The following RBM26 variants were observed in gnomAD, a reference collection of about 807,000 sequenced individuals.
RBM26 encodes the protein RNA-binding protein 26.
RBM26 carries 30 observed loss-of-function variants against 123.6 expected under a neutral mutation model. That is an observed-to-expected ratio of 0.24 (90% confidence interval 0.18 to 0.33). RBM26 has a LOEUF of 0.33. RBM26 is among the 10% of genes least tolerant of loss of function. RBM26 has a pLI of 1.00. For missense variants in RBM26, 947 were observed against 1,203.6 expected (o/e 0.79, Z 3.15); for synonymous variants, 400 against 404.4 (o/e 0.99, Z 0.13).
intron 1 of RBM26, among the ~76,000 whole-genome samples, chr13:79,394,431 G>A (rs1242766992): frequency 2.0e-5 from 3 of 152,100 alleles, no homozygotes; most frequent in African/African-American, 7.2e-5. Context: ...TGTCAAGAGG[G>A]CAAATAAACG....
chr13:79,367,403 T>G (rs2075375453), intron 6 of RBM26, among the ~76,000 whole-genome samples: 1 of 27,174 alleles, frequency 3.7e-5, no homozygotes, highest in African/African-American at 8.9e-5. Flanking sequence ...GGAGACTCCA[T>G]CTCAAAAAAA....
chr13:79,371,174 T>C lies in RBM26; in HGVS notation c.417-12A>G, dbSNP rs2075836969. ...TCTCATCACGGCTTCTAAAGAAATA[T>C]GTGATCACTTTAATACAAATAATTT... On this transcript the variant is annotated splice_polypyrimidine_tract_variant and intron_variant, in intron 4 of 21. Transcript: ENST00000438737. 1 of 1,598,054 alleles carries C rather than the reference T, an allele frequency of 6.3e-7. No homozygotes were observed. The highest frequency in any genetic ancestry group is 1.1e-5 in the South Asian group (1 of 90,414).
At chr13:79,366,946 T>C in intron 6 of RBM26, 74 bp from the exon 7 acceptor site, 1 of 1,228,798 alleles carries the variant, frequency 8.1e-7, no homozygotes, top group Non-Finnish European at 1.1e-6. Flanking sequence ...TTAGCAAAAG[T>C]AAAATATTTA....
intron 11 of RBM26, among the ~76,000 whole-genome samples, chr13:79,357,537 T>C (rs1357225975): frequency 6.6e-6 from 1 of 152,152 alleles, no homozygotes; most frequent in Admixed American, 6.5e-5. Context: ...TAGTGTTACT[T>C]ACCTTGAAGA....
intron 8 of RBM26, 145 bp from the exon 9 acceptor site, chr13:79,365,863 A>T (rs569324037): frequency 2.6e-4 from 246 of 959,806 alleles, no homozygotes; most frequent in South Asian, 7.0e-4. Context: ...AACTTTATTT[A>T]AAAAAGTTAT....
chr13:79,315,040 A>G, downstream of RBM26: 1 of 1,153,906 alleles, frequency 8.7e-7, no homozygotes, highest in East Asian at 5.8e-5. Flanking sequence ...AATAGCAAAT[A>G]AATCTAAAAC....
At chr13:79,336,056 TCTCC>T (rs1312630344) in intron 19 of RBM26, among the ~76,000 whole-genome samples, 17 of 152,234 alleles carry the variant, frequency 1.1e-4, no homozygotes, top group African/African-American at 3.9e-4. Context: ...TCTGTCAATA[TCTCC>T]TTATGTCCTG....
intron 19 of RBM26, among the ~76,000 whole-genome samples, chr13:79,334,755 C>G (rs1011926979): frequency 2.0e-5 from 3 of 152,056 alleles, no homozygotes; most frequent in African/African-American, 7.2e-5. Flanking sequence ...ACTCACTAAA[C>G]CAATCCCAAG....
Position 79,366,293 on chromosome 13 carries a change from A to G in RBM26, c.1136-98T>C, listed in dbSNP as rs916841656. ...TAATCTTCTCATTTATCAAACTATA[A>G]TATCTACAAACACCAAGCCCTTACA... On this transcript the variant is annotated intron_variant, in intron 7 of 21. Coordinates refer to ENST00000438737, the MANE Select transcript of RBM26 (RefSeq NM_001366735.2). 26 of 1,277,800 alleles carry G rather than the reference A, an allele frequency of 2.0e-5. No individual in the cohort carries two copies. In the African/African-American group the frequency reaches 3.3e-4, roughly 16 times the overall value. The allele number at this position is 1,277,800 out of a possible 1,614,324, so 79.2% of individuals were successfully genotyped here.
intron 1 of RBM26, among the ~76,000 whole-genome samples, chr13:79,381,441 A>ATTG (rs2077064965): frequency 6.6e-6 from 1 of 151,206 alleles, no homozygotes; most frequent in African/African-American, 2.4e-5. Context: ...ACATAATAAT[A>ATTG]TTATTATGTT....
intron 1 of RBM26, among the ~76,000 whole-genome samples, chr13:79,390,952 A>T (rs527903970): frequency 6.6e-6 from 1 of 152,216 alleles, no homozygotes; most frequent in Non-Finnish European, 1.5e-5. Context: ...CCAAATACAC[A>T]TAAGAACTTA....
At chr13:79,348,384 A>G (rs1162069037) in intron 14 of RBM26, among the ~76,000 whole-genome samples, 1 of 152,086 alleles carries the variant, frequency 6.6e-6, no homozygotes, top group African/African-American at 2.4e-5. Context: ...TTCCTATGTA[A>G]AATAATACCA....
intron 1 of RBM26, among the ~76,000 whole-genome samples, chr13:79,405,380 T>C (rs2079440543): frequency 6.6e-6 from 1 of 152,060 alleles, no homozygotes; most frequent in Non-Finnish European, 1.5e-5. Context: ...GGTAAAATAA[T>C]CTGTAGGAAG....
At chr13:79,365,868 A>G in intron 8 of RBM26, 150 bp from the exon 9 acceptor site, 1 of 956,540 alleles carries the variant, frequency 1.0e-6, no homozygotes, top group East Asian at 2.7e-5. Context: ...TATTTAAAAA[A>G]GTTATTAAAA....
chr13:79,405,638 A>C, intron 1 of RBM26, 66 bp downstream of exon 1: 1 of 1,202,806 alleles, frequency 8.3e-7, no homozygotes, highest in Non-Finnish European at 1.2e-6. Context: ...GGGAAACTGC[A>C]CAGATCTCTG....
intron 1 of RBM26, among the ~76,000 whole-genome samples, chr13:79,392,721 C>A (rs1432119704): frequency 1.3e-5 from 2 of 151,074 alleles, no homozygotes; most frequent in East Asian, 3.9e-4. Context: ...ACTGCTCTCA[C>A]CCCAACAAGA....
intron 19 of RBM26, among the ~76,000 whole-genome samples, chr13:79,336,565 T>C (rs992708994): frequency 8.5e-5 from 13 of 152,306 alleles, no homozygotes; most frequent in Middle Eastern, 3.4e-3. Flanking sequence ...CCAAGTTAAA[T>C]AATGGATTAA....
At chr13:79,380,645 ATCTTC>A (rs1184882147) in intron 1 of RBM26, among the ~76,000 whole-genome samples, 1 of 152,060 alleles carries the variant, frequency 6.6e-6, no homozygotes, top group Non-Finnish European at 1.5e-5. Flanking sequence ...AACATTCAAA[ATCTTC>A]TCTTCTAGCT....
Position 79,368,999 on chromosome 13 carries a change from A to G in RBM26, c.635-9T>C. ...TTTTACCAGATCCCTTTCTGCAACG[A>G]AAGATAAATGACATATAAAACTACA... On this transcript the variant is annotated splice_polypyrimidine_tract_variant and intron_variant, in intron 5 of 21. Transcript: ENST00000438737. The G allele has an allele frequency of 6.3e-7, 1 of 1,586,926 alleles. No homozygotes were observed.
Sources: gnomAD v4.1 joint callset for allele counts (sites outside exome capture counted in the v4.1 genomes callset) on GRCh38, gnomAD v4.1.1 for gene constraint, MANE v1.5 for transcripts, NCBI Gene and HGNC (gene_info 2026-07-23, HGNC 2026-07-21) for gene names.